KIRREL3: variants seen among roughly 807,000 people sequenced by gnomAD.
KIRREL3 encodes kin of IRRE-like protein 3.
A neutral mutation model predicts 89.7 loss-of-function variants in KIRREL3; 36 were observed. The observed-to-expected ratio is 0.40, with a 90% CI of 0.31 to 0.53. The LOEUF is 0.53. KIRREL3 is among the 20% of genes least tolerant of loss of function. The pLI is 0.49. For missense variants in KIRREL3, 864 were observed against 1,056.6 expected (o/e 0.82, Z 2.53); for synonymous variants, 445 against 441.4 (o/e 1.01, Z -0.10).
Position 126,752,409 on chromosome 11 carries a change from C to A in KIRREL3, c.56-189497G>T, listed in dbSNP as rs1283276056. On this transcript the variant is annotated intron_variant, in intron 1 of 16. Coordinates refer to ENST00000525144, the MANE Select transcript of KIRREL3 (RefSeq NM_032531.4). This position sits in a 1 kb window ranked among gnomAD's most constrained non-coding sequence, Gnocchi z 4.8. ...GAGTTCAAGGGATCCTAGATGCTAA[C>A]TGGATGATGAGTTAATTATGTAGCT... Among the ~76,000 whole-genome samples, 1 of 152,112 alleles carries A rather than the reference C, an allele frequency of 6.6e-6. No homozygotes were observed. Among genetic ancestry groups the A allele is most frequent in the African/African-American group, 2.4e-5 (1 of 41,412 alleles).
chr11:126,581,114 G>GC (rs540029971), intron 1 of KIRREL3, among the ~76,000 whole-genome samples: 18 of 152,044 alleles, frequency 1.2e-4, no homozygotes, highest in Admixed American at 2.6e-4. Flanking sequence ...TAAAATCAGT[G>GC]CCCCAGAAGC....
chr11:126,456,385 C>G lies in KIRREL3; in HGVS notation c.812G>C (p.Cys271Ser). The part of the protein sequence containing the change: ...VLEDNVVTFH[C>S]SAKANPAVTQ... The stretch of plus-strand genomic sequence containing the variant: ...GACAGCTGGGTTGGCCTTTGCAGAG[C>G]AGTGGAAAGTGACGACGTTGTCCTC... Residue 271 changes from cysteine to serine, a missense_variant, in exon 7 of 17, where the codon TGC (cysteine) becomes TCC (serine). Coordinates refer to ENST00000525144, the MANE Select transcript of KIRREL3 (RefSeq NM_032531.4). The G allele has an allele frequency of 6.3e-7, 1 of 1,594,006 alleles. No individual in the cohort carries two copies. Among genetic ancestry groups the G allele is most frequent in the Non-Finnish European group, 8.5e-7 (1 of 1,170,356 alleles).
At chr11:126,456,039 G>GT (rs745805898) in intron 7 of KIRREL3, among the ~76,000 whole-genome samples, 931 of 68,304 alleles carry the variant, frequency 0.014, 34 homozygotes, top group Middle Eastern at 0.065. Flanking sequence ...TTTTGTTTTC[G>GT]TTTTTTTTTT....
rs577091738 is a variant in KIRREL3, at chr11:126,566,690, C to T, written c.56-3778G>A. Among the ~76,000 whole-genome samples, 3 of 152,232 alleles carry T rather than the reference C, an allele frequency of 2.0e-5. No homozygotes were observed. Among genetic ancestry groups the T allele is most frequent in the Non-Finnish European group, 2.9e-5 (2 of 68,012 alleles). Reference sequence around the variant, plus strand: ...CTTTTTAAATGGGATGGGTTTTCTTCCATTTCAGAGGGTGCAGATGGGATG... The same window carrying T: ...CTTTTTAAATGGGATGGGTTTTCTTTCATTTCAGAGGGTGCAGATGGGATG... On this transcript the variant is annotated intron_variant, in intron 1 of 16. Transcript: ENST00000525144. The surrounding 1 kb of genome is among the most constrained non-coding windows in gnomAD (Gnocchi z 4.9).
chr11:126,829,186 G>A (rs951485), intron 1 of KIRREL3, among the ~76,000 whole-genome samples: 34,178 of 152,136 alleles, frequency 0.22, 4,598 homozygotes, highest in Non-Finnish European at 0.31. Context: ...GAGGAGGAGA[G>A]CCTGAGCTCC....
At position 126,923,193 on chromosome 11, in the gene KIRREL3, T is replaced by TTCTTC. The variant is rs1565423210; in HGVS notation, c.55+77257_55+77261dup. ...TTCTTCTTCTCTTCTTCTTCTCTTC[T>TTCTTC]TCTTCTTCTTCTTCTTCTTCTTCTT... On this transcript the variant is annotated intron_variant, in intron 1 of 16. Coordinates refer to ENST00000525144, the MANE Select transcript of KIRREL3 (RefSeq NM_032531.4). Among the ~76,000 whole-genome samples the TTCTTC allele has an allele frequency of 2.6e-3, 26 of 10,122 alleles. 1 individual carries two copies. The highest frequency in any genetic ancestry group is 4.6e-3 in the East Asian group (3 of 648). The allele number at this position is 10,122 out of a possible 152,430, so 6.6% of individuals were successfully genotyped here.
At chr11:126,871,063 GATGAA>G (rs1411295619) in intron 1 of KIRREL3, among the ~76,000 whole-genome samples, 1 of 152,186 alleles carries the variant, frequency 6.6e-6, no homozygotes, top group Non-Finnish European at 1.5e-5. Flanking sequence ...AGCCTCTTTT[GATGAA>G]AGGAGCAGAT....
intron 1 of KIRREL3, among the ~76,000 whole-genome samples, chr11:126,573,070 T>TGGGCTAAGGTCCG (rs1565562204): frequency 6.6e-6 from 1 of 151,984 alleles, no homozygotes; most frequent in Admixed American, 6.5e-5. Flanking sequence ...GGTGGAGATG[T>TGGGCTAAGGTCCG]GTGGGCTAAG....
intron 1 of KIRREL3, among the ~76,000 whole-genome samples, chr11:126,887,738 CT>C (rs1240974128): frequency 6.6e-6 from 1 of 152,228 alleles, no homozygotes; most frequent in Non-Finnish European, 1.5e-5. Context: ...AGAAGGCTGC[CT>C]TTGGCAGGAT....
rs537661993 is a variant in KIRREL3 at position 126,561,322 on chromosome 11, C to G, written c.133+1513G>C. 6.6e-6 allele frequency among the ~76,000 whole-genome samples: 1 copy of G among 152,208 alleles called. No individual in the cohort carries two copies. The highest frequency in any genetic ancestry group is 1.5e-5 in the Non-Finnish European group (1 of 68,038). ...TGTTGGCTCAGCTTGCATCCCATCCCCTCATCTCCTCAGCCACCCAGAAGC... is the reference window on the plus strand; with the variant it reads ...TGTTGGCTCAGCTTGCATCCCATCCGCTCATCTCCTCAGCCACCCAGAAGC... On this transcript the variant is annotated intron_variant, in intron 2 of 16. Coordinates refer to ENST00000525144, the MANE Select transcript of KIRREL3 (RefSeq NM_032531.4). This position sits in a 1 kb window ranked among gnomAD's most constrained non-coding sequence, Gnocchi z 4.5.
intron 1 of KIRREL3, among the ~76,000 whole-genome samples, chr11:126,856,784 T>C (rs1306394436): frequency 6.6e-6 from 1 of 151,654 alleles, no homozygotes; most frequent in Non-Finnish European, 1.5e-5. Flanking sequence ...CGCGGCTAAT[T>C]TTTTGTATTT....
intron 1 of KIRREL3, among the ~76,000 whole-genome samples, chr11:126,731,925 G>A: frequency 6.6e-6 from 1 of 152,250 alleles, no homozygotes; most frequent in East Asian, 1.9e-4. Flanking sequence ...TTTGATGCAG[G>A]CAGCTCTTTG....
Position 126,746,845 on chromosome 11 carries a change from A to T in KIRREL3, c.56-183933T>A, listed in dbSNP as rs932343656. Among the ~76,000 whole-genome samples, 4 of 152,090 alleles carry T rather than the reference A, an allele frequency of 2.6e-5. No homozygotes were observed. In the South Asian group the frequency reaches 6.2e-4, roughly 24 times the overall value. On this transcript the variant is annotated intron_variant, in intron 1 of 16. Coordinates refer to ENST00000525144, the MANE Select transcript of KIRREL3 (RefSeq NM_032531.4). ...TTAGCAAGAACCTGCGGAGCTCCTC[A>T]CACACTCACATCCTGCAGTCCCTCC...
At position 126,553,779 on chromosome 11, in the gene KIRREL3, G is replaced by A. The variant is rs1268934247; in HGVS notation, c.133+9056C>T. Among the ~76,000 whole-genome samples, 1 of 152,344 alleles carries A rather than the reference G, an allele frequency of 6.6e-6. No homozygotes were observed. ...GCCCTTCTGCCTGGCCACTCGGCCAGGCCATTGGTCACTGCCCATGATTCA... is the reference window on the plus strand; with the variant it reads ...GCCCTTCTGCCTGGCCACTCGGCCAAGCCATTGGTCACTGCCCATGATTCA... On this transcript the variant is annotated intron_variant, in intron 2 of 16. Transcript: ENST00000525144. This position sits in a 1 kb window ranked among gnomAD's most constrained non-coding sequence, Gnocchi z 4.7.
rs567705126 is a variant in KIRREL3 at position 126,903,813 on chromosome 11, A to G, written c.55+96642T>C. On this transcript the variant is annotated intron_variant, in intron 1 of 16. Transcript: ENST00000525144. This position sits in a 1 kb window ranked among gnomAD's most constrained non-coding sequence, Gnocchi z 4.5. ...AAAAATAAGAAGACGGTCCTAAATC[A>G]AAGGCAATTTAATATATTAGAAGTT... Among the ~76,000 whole-genome samples the G allele has an allele frequency of 2.5e-4, 38 of 152,334 alleles. No individual in the cohort carries two copies. Among genetic ancestry groups the G allele is most frequent in the Non-Finnish European group, 5.6e-4 (38 of 68,040 alleles).
chr11:126,701,668 C>T (rs145373852), intron 1 of KIRREL3, among the ~76,000 whole-genome samples: 4 of 151,918 alleles, frequency 2.6e-5, no homozygotes, highest in Non-Finnish European at 4.4e-5. Context: ...GAGAAGGGAG[C>T]GAGGAGGTCA....
At position 126,783,525 on chromosome 11, in the gene KIRREL3, G is replaced by T. The variant is rs181661055; in HGVS notation, c.55+216930C>A. ...TTCCAAAAAAGCCACACTAATGAGG[G>T]TCTGTCAAAGGGACACAGAAGCCAA... On this transcript the variant is annotated intron_variant, in intron 1 of 16. Coordinates refer to ENST00000525144, the MANE Select transcript of KIRREL3 (RefSeq NM_032531.4). The surrounding 1 kb of genome is among the most constrained non-coding windows in gnomAD (Gnocchi z 4.3). 1.2e-3 allele frequency among the ~76,000 whole-genome samples: 177 copies of T among 152,282 alleles called. No homozygotes were observed. Among genetic ancestry groups the T allele is most frequent in the Non-Finnish European group, 2.0e-3 (137 of 68,026 alleles).
Position 126,896,415 on chromosome 11 carries a change from C to T in KIRREL3, c.55+104040G>A, listed in dbSNP as rs184159419. Reference sequence around the variant, plus strand: ...GGTCTCTGAGATGCTCTTTGTGGCTCTCCTGTATGCCTGTTGAGATGCCCA... The same window carrying T: ...GGTCTCTGAGATGCTCTTTGTGGCTTTCCTGTATGCCTGTTGAGATGCCCA... On this transcript the variant is annotated intron_variant, in intron 1 of 16. Coordinates refer to ENST00000525144, the MANE Select transcript of KIRREL3 (RefSeq NM_032531.4). The surrounding 1 kb of genome is among the most constrained non-coding windows in gnomAD (Gnocchi z 4.1). Among the ~76,000 whole-genome samples the T allele has an allele frequency of 2.0e-5, 3 of 152,364 alleles. No individual in the cohort carries two copies. Among genetic ancestry groups the T allele is most frequent in the East Asian group, 3.9e-4 (2 of 5,194 alleles).
At chr11:126,819,597 G>A (rs1159128769) in intron 1 of KIRREL3, among the ~76,000 whole-genome samples, 2 of 152,216 alleles carry the variant, frequency 1.3e-5, no homozygotes, top group African/African-American at 4.8e-5. Flanking sequence ...AGGTACGATG[G>A]CATTAGGTGC....
Sources: allele counts gnomAD v4.1 joint callset (sites outside exome capture counted in the v4.1 genomes callset), GRCh38; gene constraint gnomAD v4.1.1; non-coding constraint Gnocchi (gnomAD v3.1); transcripts MANE v1.5; gene names NCBI Gene and HGNC (gene_info 2026-07-23, HGNC 2026-07-21).